SRF: variants seen among roughly 807,000 people sequenced by gnomAD.
SRF encodes serum response factor.
SRF carries 7 observed loss-of-function variants against 37.1 expected under a neutral mutation model. The observed-to-expected ratio is 0.19, with a 90% confidence interval of 0.11 to 0.35. The LOEUF is 0.35. Among genes scored for constraint, SRF ranks in the 10% least tolerant of loss-of-function variants. SRF has a pLI of 1.00. For missense variants in SRF, 395 were observed against 694.4 expected, an observed-to-expected ratio of 0.57 and a Z score of 4.85; for synonymous variants, 285 against 310.1, an observed-to-expected ratio of 0.92 and a Z score of 0.85.
In SRF at chr6:43,176,075, G is replaced by T. The variant is rs1296676613; in HGVS notation, c.1042+108G>T. 5.5e-6 allele frequency: 8 copies of T among 1,461,152 alleles called. No homozygotes were observed. The Admixed American group carries it at 1.7e-4, about 30-fold the overall frequency. The allele number at this position is 1,461,152 out of a possible 1,614,324, so 90.5% of individuals were successfully genotyped here. On this transcript the variant is annotated intron_variant, in intron 3 of 6. Coordinates refer to ENST00000265354, the MANE Select transcript of SRF (RefSeq NM_003131.4). This position sits in a 1 kb window ranked among gnomAD's most constrained non-coding sequence, Gnocchi z 4.0. ...GAGAACCTCTTTCCCTGCTCAGAAG[G>T]AAGGTGAATAGGGGCCAGAGCCTGA...
rs762462366 is a variant in SRF, at chr6:43,175,934, A to T, written c.1009A>T (p.Met337Leu). ...CGGCCCTGTCTCCTCTGGGGGCCTT[A>T]TGCAGCTGCCTACCAGCTTCACCCT... ...GSGPVSSGGL[M>L]QLPTSFTLMP... The change falls in exon 3 of 7, where the codon ATG (methionine) becomes TTG (leucine). Residue 337 changes from methionine (M) to leucine (L), a missense_variant. By Grantham distance (15) the Met-to-Leu change is conservative. Around this residue, in one of 4 missense-constraint regions of SRF, gnomAD observed 232 missense variants for 335.6 expected, o/e 0.69. Coordinates refer to ENST00000265354, the MANE Select transcript of SRF (RefSeq NM_003131.4). 2 of 1,613,728 alleles carry T rather than the reference A, an allele frequency of 1.2e-6. No homozygotes were observed. Among genetic ancestry groups the T allele is most frequent in the Admixed American group, 1.7e-5 (1 of 59,998 alleles).
chr6:43,176,460 C>CA lies in SRF; in HGVS notation c.1043-87dup. ...TGATGGGAGTTGGAGACCAGTGTGCCAGACCCTGGGACTGGGGTGTCCATG... is the reference window on the plus strand; with the variant it reads ...TGATGGGAGTTGGAGACCAGTGTGCCAAGACCCTGGGACTGGGGTGTCCATG... On this transcript the variant is annotated intron_variant, in intron 3 of 6. Transcript: ENST00000265354. The surrounding 1 kb of genome is among the most constrained non-coding windows in gnomAD (Gnocchi z 4.0). 1.9e-6 allele frequency: 3 copies of CA among 1,561,842 alleles called. No homozygotes were observed. Among genetic ancestry groups the CA allele is most frequent in the Non-Finnish European group, 2.6e-6 (3 of 1,145,774 alleles).
In SRF at chr6:43,173,753, G is replaced by A. The variant is rs945018732; in HGVS notation, c.514-94G>A. 4 of 1,476,592 alleles carry A rather than the reference G, an allele frequency of 2.7e-6. No individual in the cohort carries two copies. Among genetic ancestry groups the A allele is most frequent in the South Asian group, 2.6e-5 (2 of 76,124 alleles). 91.5% of individuals were successfully genotyped at this position (1,476,592 alleles called of 1,614,324 possible). On this transcript the variant is annotated intron_variant, in intron 1 of 6. Coordinates refer to ENST00000265354, the MANE Select transcript of SRF (RefSeq NM_003131.4). The surrounding 1 kb of genome is among the most constrained non-coding windows in gnomAD (Gnocchi z 4.2). ...GACGAAGGTCATTATGGGAATGGGGGAATGACATCACTGTATAATTCTTTT... is the reference window on the plus strand; with the variant it reads ...GACGAAGGTCATTATGGGAATGGGGAAATGACATCACTGTATAATTCTTTT...
rs923538357 is a variant in SRF, at chr6:43,178,445, A to G, written c.1314A>G (p.Pro438=). 1.6e-5 allele frequency: 26 copies of G among 1,614,014 alleles called. No individual in the cohort carries two copies. The Admixed American group carries it at 3.3e-4, about 21-fold the overall frequency. ...TGCTGAATGCCTTCTCCCAGGCACC[A>G]TCCACCATGCAGGTGTCACACAGCC... ...LTVLNAFSQA[P]STMQVSHSQV... is the part of the protein sequence containing the mutation. The change falls in exon 5 of 7, where the codon CCA becomes CCG. Residue 438 remains proline, a synonymous_variant. Coordinates refer to ENST00000265354, the MANE Select transcript of SRF (RefSeq NM_003131.4). This position sits in a 1 kb window ranked among gnomAD's most constrained non-coding sequence, Gnocchi z 4.3.
chr6:43,175,696 CT>C lies in SRF; in HGVS notation c.781-9del. ...AGGGGCTCATTGCTTCATCTTTACT[CT>C]GGGTATAGGACACACTGAAGCCGGC... On this transcript the variant is annotated splice_polypyrimidine_tract_variant and intron_variant, in intron 2 of 6. Coordinates refer to ENST00000265354, the MANE Select transcript of SRF (RefSeq NM_003131.4). 6.2e-7 allele frequency: 1 copy of C among 1,613,630 alleles called. No homozygotes were observed. Among genetic ancestry groups the C allele is most frequent in the Non-Finnish European group, 8.5e-7 (1 of 1,179,538 alleles).
rs1772123966 is a variant in SRF at position 43,172,296 on chromosome 6, G to C, written c.513+127G>C. ...GCGAGTCCGCAGGAGGTGTGTGGGA[G>C]GGGATGGCTCCTGCCCGGGGAGGGC... On this transcript the variant is annotated intron_variant, in intron 1 of 6. Transcript: ENST00000265354. The surrounding 1 kb of genome is among the most constrained non-coding windows in gnomAD (Gnocchi z 5.7). 26 of 1,454,446 alleles carry C rather than the reference G, an allele frequency of 1.8e-5. No individual in the cohort carries two copies. Among genetic ancestry groups the C allele is most frequent in the Non-Finnish European group, 2.4e-5 (26 of 1,105,778 alleles). 90.1% of individuals were successfully genotyped at this position (1,454,446 alleles called of 1,614,324 possible). A position where few individuals can be genotyped will look rare whatever the true frequency, so the allele number is the denominator to read the frequency against.
At position 43,172,268 on chromosome 6, in the gene SRF, G is replaced by A. The variant is rs748594746; in HGVS notation, c.513+99G>A. 1.1e-5 allele frequency: 16 copies of A among 1,495,932 alleles called. No homozygotes were observed. Among genetic ancestry groups the A allele is most frequent in the African/African-American group, 1.4e-5 (1 of 70,826 alleles). 92.7% of individuals were successfully genotyped at this position (1,495,932 alleles called of 1,614,324 possible). A position where few individuals can be genotyped will look rare whatever the true frequency, so the allele number is the denominator to read the frequency against. ...CGCAGAGCCGAGGCGGAGGTGAGAGGCTGCGAGTCCGCAGGAGGTGTGTGG... is the reference window on the plus strand; with the variant it reads ...CGCAGAGCCGAGGCGGAGGTGAGAGACTGCGAGTCCGCAGGAGGTGTGTGG... On this transcript the variant is annotated intron_variant, in intron 1 of 6. Transcript: ENST00000265354. The surrounding 1 kb of genome is among the most constrained non-coding windows in gnomAD (Gnocchi z 5.7).
At position 43,176,465 on chromosome 6, in the gene SRF, C is replaced by T. The variant is rs746923024; in HGVS notation, c.1043-83C>T. 314 of 1,574,006 alleles carry T rather than the reference C, an allele frequency of 2.0e-4. No individual in the cohort carries two copies. Among genetic ancestry groups the T allele is most frequent in the Non-Finnish European group, 5.1e-5 (59 of 1,154,126 alleles). ...GGAGTTGGAGACCAGTGTGCCAGACCCTGGGACTGGGGTGTCCATGGGTAC... is the reference window on the plus strand; with the variant it reads ...GGAGTTGGAGACCAGTGTGCCAGACTCTGGGACTGGGGTGTCCATGGGTAC... On this transcript the variant is annotated intron_variant, in intron 3 of 6. Transcript: ENST00000265354. The surrounding 1 kb of genome is among the most constrained non-coding windows in gnomAD (Gnocchi z 4.0).
chr6:43,174,036 A>C lies in SRF; in HGVS notation c.703A>C (p.Arg235=). 6.2e-7 allele frequency: 1 copy of C among 1,614,178 alleles called. No homozygotes were observed. Among genetic ancestry groups the C allele is most frequent in the Non-Finnish European group, 8.5e-7 (1 of 1,180,014 alleles). The part of the protein sequence containing the change: ...PPRSDPTTDQ[R]MSATGFEETD... Reference sequence around the variant, plus strand: ...CCGTTCAGACCCCACAACAGACCAGAGAATGAGTGCCACTGGCTTTGAAGA... The same window carrying C: ...CCGTTCAGACCCCACAACAGACCAGCGAATGAGTGCCACTGGCTTTGAAGA... Residue 235 remains arginine (R), a synonymous_variant, in exon 2 of 7, where the codon AGA becomes CGA. Transcript: ENST00000265354.
rs577333967 is a variant in SRF at position 43,172,055 on chromosome 6, G to A, written c.399G>A (p.Gly133=). ...GYGPVSGAVS[G]AKPGKKTRGR... is the part of the protein sequence containing the mutation. ...GGCCGGTGAGCGGCGCGGTGAGCGG[G>A]GCCAAGCCGGGTAAGAAGACCCGGG... Residue 133 remains glycine (G), a synonymous_variant, in exon 1 of 7, where the codon GGG becomes GGA. Coordinates refer to ENST00000265354, the MANE Select transcript of SRF (RefSeq NM_003131.4). This position sits in a 1 kb window ranked among gnomAD's most constrained non-coding sequence, Gnocchi z 5.7. 124 of 1,608,852 alleles carry A rather than the reference G, an allele frequency of 7.7e-5. No homozygotes were observed. The East Asian group carries it at 2.7e-3, about 35-fold the overall frequency.
chr6:43,172,483 G>GC lies in SRF; in HGVS notation c.513+316dup. The GC allele has an allele frequency of 2.0e-6, 2 of 984,334 alleles. No individual in the cohort carries two copies. Among genetic ancestry groups the GC allele is most frequent in the Non-Finnish European group, 2.4e-6 (2 of 828,928 alleles). 61.0% of individuals were successfully genotyped at this position (984,334 alleles called of 1,614,324 possible). ...AGCGGTGATGGGAGGCTACGAGGCT[G>GC]CCGGGGAGGTGGATAATGAGAACCC... On this transcript the variant is annotated intron_variant, in intron 1 of 6. Coordinates refer to ENST00000265354, the MANE Select transcript of SRF (RefSeq NM_003131.4). This position sits in a 1 kb window ranked among gnomAD's most constrained non-coding sequence, Gnocchi z 5.7.
At chr6:43,177,205 C>G (rs1582255960) in intron 4 of SRF, among the ~76,000 whole-genome samples, 1 of 149,592 alleles carries the variant, frequency 6.7e-6, no homozygotes, top group East Asian at 2.0e-4. Flanking sequence ...GAGTCTCACC[C>G]CAAACCTAGT....
At position 43,171,621 on chromosome 6, in the gene SRF, C is replaced by CGCT; in HGVS notation, c.-34_-32dup. The CGCT allele has an allele frequency of 4.2e-6, 5 of 1,191,790 alleles. No homozygotes were observed. The highest frequency in any genetic ancestry group is 5.2e-6 in the Non-Finnish European group (5 of 960,802). 73.8% of individuals were successfully genotyped at this position (1,191,790 alleles called of 1,614,324 possible). ...GGCGGCTGCGGCGGCTCCGATTCCT[C>CGCT]GCTGACTGCCCGTCCGCCCTCCTGC... On this transcript the variant is annotated 5_prime_UTR_variant, in exon 1 of 7. The change abolishes the stop of an existing upstream ORF in the 5' untranslated region. Coordinates refer to ENST00000265354, the MANE Select transcript of SRF (RefSeq NM_003131.4). This position sits in a 1 kb window ranked among gnomAD's most constrained non-coding sequence, Gnocchi z 6.5.
At position 43,176,127 on chromosome 6, in the gene SRF, G is replaced by C. The variant is rs2150496459; in HGVS notation, c.1042+160G>C. On this transcript the variant is annotated intron_variant, in intron 3 of 6. Transcript: ENST00000265354. The surrounding 1 kb of genome is among the most constrained non-coding windows in gnomAD (Gnocchi z 4.0). ...CGAAGCCTCTTATATCCCGTTGGCA[G>C]GCATACCTCTGCCCACTGAGACCCC... 6.6e-6 allele frequency among the ~76,000 whole-genome samples: 1 copy of C among 152,274 alleles called. No homozygotes were observed. Among genetic ancestry groups the C allele is most frequent in the Middle Eastern group, 3.4e-3 (1 of 294 alleles).
chr6:43,171,484 G>A lies in SRF; in HGVS notation c.-173G>A. On this transcript the variant is annotated 5_prime_UTR_variant, in exon 1 of 7. Coordinates refer to ENST00000265354, the MANE Select transcript of SRF (RefSeq NM_003131.4). The surrounding 1 kb of genome is among the most constrained non-coding windows in gnomAD (Gnocchi z 6.5). ...CGGGCCACAGGGGCAGGAAAGTGAG[G>A]GCCCAGGTCGGCCCGGGCGTGCAGG... 2 of 603,768 alleles carry A rather than the reference G, an allele frequency of 3.3e-6. No individual in the cohort carries two copies. The highest frequency in any genetic ancestry group is 4.6e-6 in the Non-Finnish European group (2 of 434,656). The allele number at this position is 603,768 out of a possible 1,614,324, so 37.4% of individuals were successfully genotyped here. A position where few individuals can be genotyped will look rare whatever the true frequency, so the allele number is the denominator to read the frequency against.
intron 2 of SRF, among the ~76,000 whole-genome samples, chr6:43,174,792 C>A (rs1772168254): frequency 6.6e-6 from 1 of 152,196 alleles, no homozygotes; most frequent in Admixed American, 6.5e-5. Context: ...TTGGGCCCAG[C>A]TGCTTTGCAA....
Position 43,180,692 on chromosome 6 carries a change from C to T in SRF, c.*1502C>T, listed in dbSNP as rs3734681. 0.095 allele frequency: 14,477 copies of T among 152,600 alleles called. 1,044 individuals are homozygous for T. The highest frequency in any genetic ancestry group is 0.36 in the East Asian group (1,870 of 5,170). The allele number at this position is 152,600 out of a possible 1,614,324, so 9.5% of individuals were successfully genotyped here. On this transcript the variant is annotated 3_prime_UTR_variant, in exon 7 of 7. Coordinates refer to ENST00000265354, the MANE Select transcript of SRF (RefSeq NM_003131.4). ...TCTTTTACCCTGTGTCAGAGCCTAC[C>T]TTCACCACCTATATCCAGAAGGGGA...
At position 43,178,635 on chromosome 6, in the gene SRF, C is replaced by T. The variant is rs369796799; in HGVS notation, c.1354+150C>T. The T allele has an allele frequency of 1.5e-6, 2 of 1,293,678 alleles. No individual in the cohort carries two copies. The highest frequency in any genetic ancestry group is 1.3e-5 in the South Asian group (1 of 76,096). 80.1% of individuals were successfully genotyped at this position (1,293,678 alleles called of 1,614,324 possible). A position where few individuals can be genotyped will look rare whatever the true frequency, so the allele number is the denominator to read the frequency against. On this transcript the variant is annotated intron_variant, in intron 5 of 6. Coordinates refer to ENST00000265354, the MANE Select transcript of SRF (RefSeq NM_003131.4). The surrounding 1 kb of genome is among the most constrained non-coding windows in gnomAD (Gnocchi z 4.3). ...TTGGATGCTCACACACACATTTGGA[C>T]ACCCCACTTGGACACTCACACCCGC...
rs1361247477 is a variant in SRF at position 43,178,820 on chromosome 6, G to A, written c.1369G>A (p.Val457Met). Residue 457 changes from valine (V) to methionine (M), a missense_variant, in exon 6 of 7, where the codon GTG (valine) becomes ATG (methionine). Val to Met is a conservative substitution (Grantham distance 21). Transcript: ENST00000265354. The surrounding 1 kb of genome is among the most constrained non-coding windows in gnomAD (Gnocchi z 4.3). ...TTCCAATGTAGGTGGCGTCCCCCAG[G>A]TGTTCCTGACAGCATCATCTGGGAC... ...QVQEPGGVPQVFLTASSGTVQ... is the reference protein window; with the variant it reads ...QVQEPGGVPQMFLTASSGTVQ... 1.2e-6 allele frequency: 2 copies of A among 1,614,032 alleles called. No homozygotes were observed. The highest frequency in any genetic ancestry group is 2.7e-5 in the African/African-American group (2 of 74,908).
Sources: allele counts gnomAD v4.1 joint callset (sites outside exome capture counted in the v4.1 genomes callset), GRCh38; gene constraint gnomAD v4.1.1; regional missense constraint gnomAD v4.1.1; non-coding constraint Gnocchi (gnomAD v3.1); transcripts MANE v1.5; gene names NCBI Gene and HGNC (gene_info 2026-07-23, HGNC 2026-07-21).